Variants in CEP250 observed in about 807,000 individuals in gnomAD.
CEP250 encodes centrosome-associated protein CEP250.
CEP250 carries 242 observed loss-of-function variants against 315.7 expected under a neutral mutation model. That is an observed-to-expected ratio of 0.77 (90% CI 0.69 to 0.85). CEP250 has a LOEUF of 0.85. CEP250 is among the 40% of genes least tolerant of loss of function. The pLI is 0.00. For missense variants in CEP250, 2,515 were observed against 2,886.4 expected (o/e 0.87, Z 2.95); for synonymous variants, 1,088 against 1,175.0 (o/e 0.93, Z 1.51).
At chr20:35,461,514 G>A (rs2062756142) in intron 3 of CEP250, among the ~76,000 whole-genome samples, 1 of 152,202 alleles carries the variant, frequency 6.6e-6, no homozygotes, top group African/African-American at 2.4e-5. Context: ...GGTGGGTGAG[G>A]GGGTTTGGCC....
Position 35,498,077 on chromosome 20 carries a change from C to A in CEP250, c.3655+10C>A, listed in dbSNP as rs773517974. 1 of 1,542,666 alleles carries A rather than the reference C, an allele frequency of 6.5e-7. No individual in the cohort carries two copies. Among genetic ancestry groups the A allele is most frequent in the Non-Finnish European group, 8.7e-7 (1 of 1,143,800 alleles). On this transcript the variant is annotated intron_variant, in intron 26 of 34. Transcript: ENST00000397527. ...TGGGGCCTTGAGCCAGGTGAGACAGCCTCCCCAGAACTAGGTCCTTTGGGC... is the reference window on the plus strand; with the variant it reads ...TGGGGCCTTGAGCCAGGTGAGACAGACTCCCCAGAACTAGGTCCTTTGGGC...
chr20:35,469,257 A>G (rs2062965982), intron 9 of CEP250, among the ~76,000 whole-genome samples: 1 of 152,146 alleles, frequency 6.6e-6, no homozygotes, highest in Non-Finnish European at 1.5e-5. Context: ...TGATTGCACC[A>G]CTGTATTCCA....
At position 35,493,507 on chromosome 20, in the gene CEP250, G is replaced by C. The variant is rs1327284432; in HGVS notation, c.2968G>C (p.Asp990His). 1.2e-6 allele frequency: 2 copies of C among 1,609,586 alleles called. No individual in the cohort carries two copies. Reference protein sequence around the residue: ...LKEAARQHRDDLAALQEESSS... With the variant: ...LKEAARQHRDHLAALQEESSS... Reference sequence around the variant, plus strand: ...GGAGGCAGCCCGGCAGCACAGAGATGACCTTGCTGCCCTCCAAGAAGAGAG... The same window carrying C: ...GGAGGCAGCCCGGCAGCACAGAGATCACCTTGCTGCCCTCCAAGAAGAGAG... The change falls in exon 23 of 35, where the codon GAC becomes CAC. Residue 990 changes from aspartate to histidine, a missense_variant. By Grantham distance (81) the Asp-to-His change is moderately conservative. Coordinates refer to ENST00000397527, the MANE Select transcript of CEP250 (RefSeq NM_007186.6).
rs1218687828 is a variant in CEP250, at chr20:35,505,002, G to T, written c.6633G>T (p.Leu2211=). 1 of 1,600,386 alleles carries T rather than the reference G, an allele frequency of 6.2e-7. No individual in the cohort carries two copies. Among genetic ancestry groups the T allele is most frequent in the African/African-American group, 1.3e-5 (1 of 74,650 alleles). ...VLERDSEQQR[L]QDELELTRRA... ...AGCGGGACTCAGAACAGCAAAGGCTGCAGGTAAGTCACTCCATGGGGAGTA... is the reference window on the plus strand; with the variant it reads ...AGCGGGACTCAGAACAGCAAAGGCTTCAGGTAAGTCACTCCATGGGGAGTA... Residue 2211 remains leucine, a synonymous_variant, in exon 30 of 35, where the codon CTG becomes CTT. Coordinates refer to ENST00000397527, the MANE Select transcript of CEP250 (RefSeq NM_007186.6).
At chr20:35,475,751 C>G (rs1483776346) in intron 15 of CEP250, 105 bp downstream of exon 15, 4 of 1,258,578 alleles carry the variant, frequency 3.2e-6, no homozygotes, top group Non-Finnish European at 4.5e-6. Context: ...CTCATCTTTC[C>G]TCAATCATTA....
rs1460941320 is a variant in CEP250, at chr20:35,517,855, C to T, written c.*6229C>T. 2 of 151,242 alleles carry T rather than the reference C, an allele frequency of 1.3e-5. No individual in the cohort carries two copies. The highest frequency in any genetic ancestry group is 4.9e-5 in the African/African-American group (2 of 41,106). 9.4% of individuals were successfully genotyped at this position (151,242 alleles called of 1,614,324 possible). On this transcript the variant is annotated 3_prime_UTR_variant, in exon 35 of 35. Transcript: ENST00000397527. ...GGCCCAGGCAGGCAGATTGCTTGGG[C>T]TCAGGAATTCAAGACCATCCTAAGC...
chr20:35,458,354 A>T lies in CEP250; in HGVS notation c.-247A>T, dbSNP rs1230226864. 6.6e-6 allele frequency: 1 copy of T among 152,168 alleles called. No individual in the cohort carries two copies. The highest frequency in any genetic ancestry group is 2.4e-5 in the African/African-American group (1 of 41,424). 9.4% of individuals were successfully genotyped at this position (152,168 alleles called of 1,614,324 possible). A position where few individuals can be genotyped will look rare whatever the true frequency, so the allele number is the denominator to read the frequency against. On this transcript the variant is annotated 5_prime_UTR_variant, in exon 2 of 35. Coordinates refer to ENST00000397527, the MANE Select transcript of CEP250 (RefSeq NM_007186.6). ...GTAAGGGTGCTGTCTTCCCTGTCTG[A>T]TCCTTAGCAAAAGTAGGAAGGTAGG...
chr20:35,489,574 A>G (rs761305225), intron 20 of CEP250, among the ~76,000 whole-genome samples: 1 of 152,240 alleles, frequency 6.6e-6, no homozygotes, highest in Non-Finnish European at 1.5e-5. Context: ...TAGTAGTGGT[A>G]GATTAAAGAT....
chr20:35,482,851 C>T (rs182600713), intron 20 of CEP250, among the ~76,000 whole-genome samples: 25 of 152,254 alleles, frequency 1.6e-4, no homozygotes, highest in African/African-American at 5.3e-4. Context: ...CGTGAGACCA[C>T]GCCTGGCAAT....
At position 35,471,831 on chromosome 20, in the gene CEP250, G is replaced by GAAGTC. The variant is rs569633416; in HGVS notation, c.949-218_949-214dup. On this transcript the variant is annotated intron_variant, in intron 10 of 34. Transcript: ENST00000397527. Reference sequence around the variant, plus strand: ...TGATAGAGCAGGAATTCTAATCTGTGAAGTCCAATTTGGAACTCGTAATCA... The same window carrying GAAGTC: ...TGATAGAGCAGGAATTCTAATCTGTGAAGTCAAGTCCAATTTGGAACTCGTAATCA... 9.9e-4 allele frequency among the ~76,000 whole-genome samples: 151 copies of GAAGTC among 152,312 alleles called. 1 individual carries two copies. Among genetic ancestry groups the GAAGTC allele is most frequent in the African/African-American group, 3.5e-3 (144 of 41,574 alleles).
chr20:35,507,457 C>T (rs1364964815), intron 30 of CEP250, among the ~76,000 whole-genome samples: 2 of 152,202 alleles, frequency 1.3e-5, no homozygotes, highest in Non-Finnish European at 2.9e-5. Context: ...CACATCAGTG[C>T]TCTGAGTCAT....
In CEP250 at chr20:35,480,035, C is replaced by A; in HGVS notation, c.2476C>A (p.Arg826=). The A allele has an allele frequency of 6.2e-7, 1 of 1,613,448 alleles. No individual in the cohort carries two copies. The highest frequency in any genetic ancestry group is 1.1e-5 in the South Asian group (1 of 91,038). The part of the protein sequence containing the change: ...DTERSQAEQE[R]DAAARQLAQA... ...TGAACGGAGTCAGGCAGAGCAGGAG[C>A]GGGATGCTGCAGCCAGACAGCTGGC... is the stretch of plus-strand genomic sequence containing the variant. The change falls in exon 20 of 35, where the codon CGG becomes AGG. Residue 826 remains arginine, a synonymous_variant. Coordinates refer to ENST00000397527, the MANE Select transcript of CEP250 (RefSeq NM_007186.6).
chr20:35,464,458 C>T (rs142910120), intron 5 of CEP250, among the ~76,000 whole-genome samples: 22 of 152,244 alleles, frequency 1.4e-4, no homozygotes, highest in Non-Finnish European at 2.9e-4. Context: ...ACTACAGATA[C>T]ATGCCTCAAC....
Position 35,511,667 on chromosome 20 carries a change from G to C in CEP250, c.*41G>C, listed in dbSNP as rs775365682. On this transcript the variant is annotated 3_prime_UTR_variant, in exon 35 of 35. Coordinates refer to ENST00000397527, the MANE Select transcript of CEP250 (RefSeq NM_007186.6). ...GCACACAGACAGAAGACTGTGTCAT[G>C]GGTCATGGCCCCTCCGCACACCTAC... The C allele has an allele frequency of 6.3e-7, 1 of 1,582,430 alleles. No homozygotes were observed. The highest frequency in any genetic ancestry group is 1.2e-5 in the South Asian group (1 of 86,474).
Position 35,479,396 on chromosome 20 carries a change from G to A in CEP250, c.2260G>A (p.Asp754Asn). Residue 754 changes from aspartate to asparagine, a missense_variant, in exon 18 of 35, where the codon GAC becomes AAC. Coordinates refer to ENST00000397527, the MANE Select transcript of CEP250 (RefSeq NM_007186.6). ...GCAGGCCGTGGAGCGTGACCGGCAG[G>A]ACCTCGCTGAACAACTACAGGGGCT... ...RLQAVERDRQ[D>N]LAEQLQGLSS... 6.2e-7 allele frequency: 1 copy of A among 1,614,054 alleles called. No homozygotes were observed. The highest frequency in any genetic ancestry group is 1.1e-5 in the South Asian group (1 of 91,082).
In CEP250 at chr20:35,474,045, G is replaced by T; in HGVS notation, c.1564G>T (p.Glu522Ter). The T allele has an allele frequency of 1.3e-6, 2 of 1,559,064 alleles. No individual in the cohort carries two copies. The highest frequency in any genetic ancestry group is 1.7e-6 in the Non-Finnish European group (2 of 1,156,254). ...GCTGCACCTGGCTGTCCGGGAGAGGGAGCGTCTGTAAGTGAGACTAGTCTC... is the reference window on the plus strand; with the variant it reads ...GCTGCACCTGGCTGTCCGGGAGAGGTAGCGTCTGTAAGTGAGACTAGTCTC... ...EELHLAVRER[E>*]RLQEMLMGLE... Residue 522 changes from glutamate (E) to a stop codon, truncating the protein, a stop_gained, in exon 14 of 35, where the codon GAG becomes TAG. Transcript: ENST00000397527. LOFTEE classifies it high-confidence loss of function.
intron 17 of CEP250, among the ~76,000 whole-genome samples, chr20:35,479,019 A>C (rs2063259106): frequency 6.6e-6 from 1 of 152,186 alleles, no homozygotes; most frequent in South Asian, 2.1e-4. Context: ...TCCCTAGCAC[A>C]GGGTCTTGCT....
At chr20:35,498,319 A>G (rs224377) in intron 26 of CEP250, among the ~76,000 whole-genome samples, 145,288 of 152,330 alleles carry the variant, frequency 0.95, 69,707 homozygotes, top group Middle Eastern at 1. Flanking sequence ...TTACCTTATA[A>G]TTTCACCAAG....
intron 20 of CEP250, among the ~76,000 whole-genome samples, chr20:35,486,653 C>A (rs7269757): frequency 1.3e-5 from 2 of 152,012 alleles, no homozygotes; most frequent in Non-Finnish European, 2.9e-5. Context: ...GCATTTTTTG[C>A]GATTTCGTAG....
Sources: gnomAD v4.1 joint callset for allele counts (sites outside exome capture counted in the v4.1 genomes callset) on GRCh38, gnomAD v4.1.1 for gene constraint, MANE v1.5 for transcripts, NCBI Gene and HGNC (gene_info 2026-07-23, HGNC 2026-07-21) for gene names.